The following XG variants were observed in gnomAD, a reference collection of about 807,000 sequenced individuals.
XG encodes the protein glycoprotein Xg.
Under a neutral mutation model 25.7 loss-of-function variants are expected in XG, and 24 were observed. The observed-to-expected ratio is 0.93, with a 90% CI of 0.68 to 1.31. The LOEUF (loss-of-function observed/expected upper bound fraction) is 1.31, where lower values mean the gene tolerates loss of function less well. Among genes scored for constraint, XG ranks in the 40% most tolerant of loss-of-function variants. The pLI is 0.00. For synonymous variants in XG, 77 were observed against 69.2 expected, an observed-to-expected ratio of 1.11 and a Z score of -0.56; for missense variants, 181 against 187.6, an observed-to-expected ratio of 0.96 and a Z score of 0.21.
At chrX:2,781,932 A>G in intron 3 of XG, 134 bp from the exon 4 acceptor site, 1 of 604,364 alleles carries the variant, frequency 1.7e-6, no homozygotes. Flanking sequence ...ATGGCAATCT[A>G]TAAACACACC....
chrX:2,793,614 G>C (rs2086856663), intron 5 of XG, among the ~76,000 whole-genome samples: 2 of 111,939 alleles, frequency 1.8e-5, no homozygotes, highest in African/African-American at 6.5e-5. Flanking sequence ...GAAGCAGGTG[G>C]GTCTCATGTG....
chrX:2,766,666 GCC>G (rs1569459903), intron 1 of XG, among the ~76,000 whole-genome samples: 1 of 143,226 alleles, frequency 7.0e-6, no homozygotes, highest in Non-Finnish European at 1.5e-5. Context: ...CCGGGTTCAC[GCC>G]ATTCTCCTGC....
chrX:2,772,897 G>T (rs1479842478), intron 2 of XG, among the ~76,000 whole-genome samples: 1 of 152,170 alleles, frequency 6.6e-6, no homozygotes, highest in Non-Finnish European at 1.5e-5. Context: ...CCTTCCTCAT[G>T]GGAAGGAAGC....
At chrX:2,794,657 G>C (rs1011088035) in intron 6 of XG, 54 bp downstream of exon 6, 3 of 1,164,084 alleles carry the variant, frequency 2.6e-6, no homozygotes, top group African/African-American at 3.5e-5. Context: ...AGAGAGGGTG[G>C]GATGAGAGGC....
chrX:2,769,803 G>T (rs2050773784), intron 1 of XG, among the ~76,000 whole-genome samples: 1 of 152,204 alleles, frequency 6.6e-6, no homozygotes, highest in Non-Finnish European at 1.5e-5. Context: ...CACACAGGTT[G>T]CTTCCTGACC....
intron 7 of XG, among the ~76,000 whole-genome samples, chrX:2,806,394 T>C (rs762797809): frequency 9.0e-6 from 1 of 110,963 alleles, no homozygotes; most frequent in Non-Finnish European, 1.9e-5. Flanking sequence ...TTTCATCCTA[T>C]TCTCTTTTTT....
chrX:2,760,633 G>C (rs893258985), intron 1 of XG, among the ~76,000 whole-genome samples: 2 of 150,934 alleles, frequency 1.3e-5, no homozygotes, highest in African/African-American at 4.9e-5. Context: ...TACTTGGGAG[G>C]CTGAGGCAGG....
At chrX:2,776,390 G>T (rs1334193191) in intron 3 of XG, among the ~76,000 whole-genome samples, 2 of 152,118 alleles carry the variant, frequency 1.3e-5, no homozygotes, top group African/African-American at 4.8e-5. Flanking sequence ...TAGACGCGGG[G>T]CTTTGGGCGT....
chrX:2,797,400 G>GGGA, intron 7 of XG, 40 bp downstream of exon 7: 1 of 1,162,813 alleles, frequency 8.6e-7, no homozygotes, highest in Non-Finnish European at 1.2e-6. Context: ...GGTGGAGGGT[G>GGGA]GGAGGGGTCA....
intron 2 of XG, among the ~76,000 whole-genome samples, chrX:2,774,097 G>C (rs2050918908): frequency 1.3e-5 from 2 of 152,054 alleles, no homozygotes; most frequent in Non-Finnish European, 2.9e-5. Flanking sequence ...TGTTTCCTCT[G>C]TTTGGAAGAA....
chrX:2,780,717 CAA>C (rs768428145), intron 3 of XG, among the ~76,000 whole-genome samples: 7 of 121,536 alleles, frequency 5.8e-5, no homozygotes, highest in South Asian at 2.7e-4. Context: ...GACTCTGTCT[CAA>C]AAAAAAAAAA....
intron 1 of XG, among the ~76,000 whole-genome samples, chrX:2,753,252 T>C (rs2050370561): frequency 6.6e-6 from 1 of 152,176 alleles, no homozygotes. Flanking sequence ...GAGAATTTTT[T>C]ATTATTCTGT....
At position 2,766,557 on chromosome X, in the gene XG, C is replaced by CT. The variant is rs1177391752; in HGVS notation, c.62-3969dup. Among the ~76,000 whole-genome samples, 223 of 90,154 alleles carry CT rather than the reference C, an allele frequency of 2.5e-3. 1 individual carries two copies. Among genetic ancestry groups the CT allele is most frequent in the African/African-American group, 6.3e-3 (135 of 21,280 alleles). 59.1% of individuals were successfully genotyped at this position (90,154 alleles called of 152,430 possible). A position where few individuals can be genotyped will look rare whatever the true frequency, so the allele number is the denominator to read the frequency against. On this transcript the variant is annotated intron_variant, in intron 1 of 10. Transcript: ENST00000644266. ...AGGTCAGGGAATTTCCTTATGGCCA[C>CT]TTTTTTTTTTTTTTTTTTTTTTTTC...
chrX:2,770,317 G>A (rs1471794254), intron 1 of XG, among the ~76,000 whole-genome samples: 2 of 152,146 alleles, frequency 1.3e-5, no homozygotes, highest in African/African-American at 2.4e-5. Context: ...TGGGGAGGCG[G>A]GAGGGGAACT....
intron 7 of XG, among the ~76,000 whole-genome samples, chrX:2,801,746 T>C (rs1482251689): frequency 9.0e-6 from 1 of 111,014 alleles, no homozygotes; most frequent in African/African-American, 3.3e-5. Context: ...TCTCGCTCTG[T>C]CGCCCAGGCT....
chrX:2,776,093 T>G (rs927954005), intron 3 of XG, among the ~76,000 whole-genome samples: 12 of 151,952 alleles, frequency 7.9e-5, no homozygotes, highest in African/African-American at 2.4e-4. Context: ...ATCGAGACCA[T>G]CCTGGCTAAC....
intron 10 of XG, among the ~76,000 whole-genome samples, chrX:2,812,871 C>T (rs144015310): frequency 8.9e-6 from 1 of 111,819 alleles, no homozygotes; most frequent in African/African-American, 3.3e-5. Context: ...AGGGCTGAAA[C>T]TGAGTAAGCA....
rs991965584 is a variant in XG, at chrX:2,815,882, CAT to C, written c.*1504_*1505del. 44 of 111,029 alleles carry C rather than the reference CAT, an allele frequency of 4.0e-4. No homozygotes were observed. Among genetic ancestry groups the C allele is most frequent in the African/African-American group, 1.1e-3 (34 of 30,656 alleles). 9.2% of individuals were successfully genotyped at this position (111,029 alleles called of 1,213,427 possible). On this transcript the variant is annotated 3_prime_UTR_variant, in exon 11 of 11. Coordinates refer to ENST00000644266, the MANE Select transcript of XG (RefSeq NM_001141919.2). ...AATCCATTCCATTTTCTAAAACTGTCATAAACTATTTTTAATCATTTTAAATA... is the reference window on the plus strand; with the variant it reads ...AATCCATTCCATTTTCTAAAACTGTCAAACTATTTTTAATCATTTTAAATA...
In XG at chrX:2,814,340, A is replaced by G. The variant is rs764082365; in HGVS notation, c.572-24A>G. 5.0e-6 allele frequency: 6 copies of G among 1,192,998 alleles called. No individual in the cohort carries two copies. The African/African-American group carries it at 1.1e-4, about 21-fold the overall frequency. ...CTTTTTTTTTTGCCCCCACAATGAC[A>G]TTTGTTTCTAATCTTCCTTTCAGAA... On this transcript the variant is annotated intron_variant, in intron 10 of 10. Transcript: ENST00000644266.
Sources: gnomAD v4.1 joint callset for allele counts (sites outside exome capture counted in the v4.1 genomes callset) on GRCh38, gnomAD v4.1.1 for gene constraint, MANE v1.5 for transcripts, NCBI Gene and HGNC (gene_info 2026-07-23, HGNC 2026-07-21) for gene names.